STRN: variants seen among roughly 807,000 people sequenced by gnomAD.
STRN encodes the protein striatin.
In STRN, 53 loss-of-function variants were observed where a neutral mutation model predicts 96.3. That is an observed-to-expected ratio of 0.55 (90% CI 0.44 to 0.69). STRN has a LOEUF of 0.69. Ranked by LOEUF, STRN falls within the 30% of genes least tolerant of loss-of-function variation. The probability of loss-of-function intolerance (pLI) is 0.00; values close to 1 mark genes in which losing one functional copy is unlikely to be tolerated. For synonymous variants in STRN, 428 were observed against 355.9 expected, an observed-to-expected ratio of 1.20 and a Z score of -2.28; for missense variants, 987 against 963.9, an observed-to-expected ratio of 1.02 and a Z score of -0.32.
At chr2:36,933,985 G>A (rs867661951) in intron 1 of STRN, among the ~76,000 whole-genome samples, 10 of 152,140 alleles carry the variant, frequency 6.6e-5, no homozygotes, top group Middle Eastern at 3.4e-3. Flanking sequence ...GGTGGCGGGC[G>A]CCTGTAGTCC....
At chr2:36,926,865 G>A (rs574386402) in intron 1 of STRN, among the ~76,000 whole-genome samples, 1 of 152,118 alleles carries the variant, frequency 6.6e-6, no homozygotes, top group African/African-American at 2.4e-5. Flanking sequence ...AACCAGAATA[G>A]TAATGACACA....
In STRN at chr2:36,926,753, G is replaced by C. The variant is rs140374476; in HGVS notation, c.235-1545C>G. Among the ~76,000 whole-genome samples the C allele has an allele frequency of 7.5e-3, 1,139 of 152,218 alleles. 20 individuals are homozygous for C. The highest frequency in any genetic ancestry group is 0.026 in the African/African-American group (1,088 of 41,530). ...TTACATTTACCTTACTGAAATAAAA[G>C]TGGTCTGAAAACAATTCAATTGTTT... On this transcript the variant is annotated intron_variant, in intron 1 of 17. Transcript: ENST00000263918.
intron 3 of STRN, 40 bp downstream of exon 3, chr2:36,916,038 C>T: frequency 6.5e-7 from 1 of 1,544,282 alleles, no homozygotes; most frequent in Non-Finnish European, 8.9e-7. Context: ...TAGACATTAA[C>T]TTCTTTTTAA....
Position 36,861,172 on chromosome 2 carries a change from C to G in STRN, c.1629G>C (p.Trp543Cys). Residue 543 changes from tryptophan to cysteine, a missense_variant, in exon 13 of 18, where the codon TGG becomes TGC. Transcript: ENST00000263918. ...SGGTDGLIQGWNTTNPNIDPY... is the reference protein window; with the variant it reads ...SGGTDGLIQGCNTTNPNIDPY... ...GGTCGATGTTGGGATTAGTGGTATT[C>G]CAGCCCTGGATCAGTCCATCAGTAC... is the stretch of plus-strand genomic sequence containing the variant. The G allele has an allele frequency of 1.2e-6, 2 of 1,614,058 alleles. No homozygotes were observed. The highest frequency in any genetic ancestry group is 1.7e-6 in the Non-Finnish European group (2 of 1,179,990).
chr2:36,914,044 G>A (rs750514204), intron 3 of STRN, among the ~76,000 whole-genome samples: 1 of 152,016 alleles, frequency 6.6e-6, no homozygotes, highest in African/African-American at 2.4e-5. Context: ...GAGTGCAGTG[G>A]CACTATCTTA....
At chr2:36,852,516 C>T (rs914592172) in intron 15 of STRN, among the ~76,000 whole-genome samples, 1 of 152,124 alleles carries the variant, frequency 6.6e-6, no homozygotes, top group Non-Finnish European at 1.5e-5. Flanking sequence ...AGGAGCATGA[C>T]GTCTCTCATA....
intron 12 of STRN, among the ~76,000 whole-genome samples, chr2:36,867,173 T>C (rs1281285369): frequency 6.6e-6 from 1 of 152,172 alleles, no homozygotes; most frequent in Non-Finnish European, 1.5e-5. Flanking sequence ...TATTCTTTTG[T>C]TTCCATGTTT....
intron 1 of STRN, among the ~76,000 whole-genome samples, chr2:36,941,504 ATG>A (rs1167233157): frequency 6.6e-6 from 1 of 151,926 alleles, no homozygotes; most frequent in Non-Finnish European, 1.5e-5. Flanking sequence ...ATTTCTCAAG[ATG>A]AACAGAATCA....
intron 2 of STRN, among the ~76,000 whole-genome samples, chr2:36,924,355 CA>C (rs143310395): frequency 5.4e-4 from 56 of 103,302 alleles, no homozygotes; most frequent in South Asian, 9.7e-4. Context: ...GACTCCGTTT[CA>C]AAAAAAAAAA....
Position 36,841,438 on chromosome 2 carries a change from G to C in STRN, c.*8018C>G, listed in dbSNP as rs971819235. On this transcript the variant is annotated 3_prime_UTR_variant, in exon 18 of 18. Transcript: ENST00000263918. Reference sequence around the variant, plus strand: ...TTCACAAACAACTGTCAAAAGATATGAGACCACCGAGTTTTTCTTTTTCTA... The same window carrying C: ...TTCACAAACAACTGTCAAAAGATATCAGACCACCGAGTTTTTCTTTTTCTA... 1 of 152,102 alleles carries C rather than the reference G, an allele frequency of 6.6e-6. No individual in the cohort carries two copies. The highest frequency in any genetic ancestry group is 1.9e-4 in the East Asian group (1 of 5,196). 9.4% of individuals were successfully genotyped at this position (152,102 alleles called of 1,614,324 possible).
chr2:36,861,264 A>G lies in STRN; in HGVS notation c.1548-11T>C, dbSNP rs1197590773. 2 of 1,576,168 alleles carry G rather than the reference A, an allele frequency of 1.3e-6. No homozygotes were observed. Among genetic ancestry groups the G allele is most frequent in the Admixed American group, 3.6e-5 (2 of 55,238 alleles). Reference sequence around the variant, plus strand: ...CAAAGCACTGGACCTCTGGGAGATTAAAAAAAATAAATCAACTGCTATTCT... The same window carrying G: ...CAAAGCACTGGACCTCTGGGAGATTGAAAAAAATAAATCAACTGCTATTCT... On this transcript the variant is annotated splice_polypyrimidine_tract_variant and intron_variant, in intron 12 of 17. Coordinates refer to ENST00000263918, the MANE Select transcript of STRN (RefSeq NM_003162.4).
chr2:36,937,908 T>C (rs192174269), intron 1 of STRN, among the ~76,000 whole-genome samples: 9 of 152,016 alleles, frequency 5.9e-5, no homozygotes, highest in South Asian at 2.1e-4. Context: ...TACTAGTAAA[T>C]AGTTCTATAA....
rs536208286 is a variant in STRN, at chr2:36,845,761, G to GA, written c.*3694dup. 5.1e-4 allele frequency: 77 copies of GA among 151,884 alleles called. No homozygotes were observed. Among genetic ancestry groups the GA allele is most frequent in the African/African-American group, 1.7e-3 (72 of 41,402 alleles). 9.4% of individuals were successfully genotyped at this position (151,884 alleles called of 1,614,324 possible). A position where few individuals can be genotyped will look rare whatever the true frequency, so the allele number is the denominator to read the frequency against. On this transcript the variant is annotated 3_prime_UTR_variant, in exon 18 of 18. Transcript: ENST00000263918. Reference sequence around the variant, plus strand: ...TAGGAATTCACATTCAAAATTCTTGGAAAGTATATATGGTGCTCAGAAGAG... The same window carrying GA: ...TAGGAATTCACATTCAAAATTCTTGGAAAAGTATATATGGTGCTCAGAAGAG...
chr2:36,952,692 T>C (rs1664789837), intron 1 of STRN, among the ~76,000 whole-genome samples: 1 of 152,210 alleles, frequency 6.6e-6, no homozygotes, highest in Non-Finnish European at 1.5e-5. Context: ...ATTATTAATG[T>C]TGGCAGATAA....
chr2:36,887,266 A>AAAATAAATAAATAAATAAAT (rs34577574), intron 7 of STRN, among the ~76,000 whole-genome samples: 7 of 136,440 alleles, frequency 5.1e-5, no homozygotes, highest in Non-Finnish European at 9.4e-5. Context: ...CATTTCTAGT[A>AAAATAAATAAATAAATAAAT]AAATAAATAA....
At chr2:36,877,084 TA>T (rs1668934578) in intron 10 of STRN, among the ~76,000 whole-genome samples, 1 of 152,162 alleles carries the variant, frequency 6.6e-6, no homozygotes, top group Non-Finnish European at 1.5e-5. Flanking sequence ...TGTTTGGAAT[TA>T]AGTAAATGTA....
intron 1 of STRN, among the ~76,000 whole-genome samples, chr2:36,938,394 C>T (rs1056140541): frequency 7.3e-5 from 11 of 151,442 alleles, no homozygotes; most frequent in African/African-American, 1.5e-4. Context: ...TCACTGTACT[C>T]CAGCATGGGC....
At chr2:36,940,836 CAAA>C (rs56996485) in intron 1 of STRN, among the ~76,000 whole-genome samples, 3 of 46,570 alleles carry the variant, frequency 6.4e-5, no homozygotes, top group Non-Finnish European at 1.6e-4. Context: ...GACTCTGTCT[CAAA>C]AAAAAAAAAA....
intron 1 of STRN, among the ~76,000 whole-genome samples, chr2:36,939,560 T>A (rs192961871): frequency 7.6e-4 from 115 of 152,056 alleles, no homozygotes; most frequent in African/African-American, 1.8e-3. Flanking sequence ...TATTATTATT[T>A]TTTGCAGTGA....
Sources: gnomAD v4.1 joint callset for allele counts (sites outside exome capture counted in the v4.1 genomes callset) on GRCh38, gnomAD v4.1.1 for gene constraint, MANE v1.5 for transcripts, NCBI Gene and HGNC (gene_info 2026-07-23, HGNC 2026-07-21) for gene names.